ERC2: variants seen among roughly 807,000 people sequenced by gnomAD.
ERC2 encodes the protein ERC protein 2.
Under a neutral mutation model 114.8 loss-of-function variants are expected in ERC2, and 42 were observed. That is an observed-to-expected ratio of 0.37 (90% CI 0.29 to 0.47). The LOEUF is 0.47. ERC2 is among the 20% of genes least tolerant of loss of function. ERC2 has a pLI of 0.99. For missense variants in ERC2, 939 were observed against 1,150.7 expected (o/e 0.82, Z 2.66); for synonymous variants, 454 against 425.5 (o/e 1.07, Z -0.82).
rs566436616 is a variant in ERC2, at chr3:56,174,224, G to T, written c.1075-704C>A. ...TGATGAACATTTCTTTAGGTAAAAA[G>T]CAAACAACATAATTACAACTTTTAT... On this transcript the variant is annotated intron_variant, in intron 3 of 17. Transcript: ENST00000288221. Among the ~76,000 whole-genome samples the T allele has an allele frequency of 5.0e-3, 761 of 152,284 alleles. 1 individual carries two copies. The highest frequency in any genetic ancestry group is 6.3e-3 in the Non-Finnish European group (431 of 68,000).
At chr3:55,664,565 G>C (rs1264075377) in intron 17 of ERC2, among the ~76,000 whole-genome samples, 2 of 152,158 alleles carry the variant, frequency 1.3e-5, no homozygotes, top group Non-Finnish European at 2.9e-5. Flanking sequence ...TGGGGAGGAG[G>C]GGCTGGGTTA....
chr3:56,156,022 T>C (rs1417342935), intron 4 of ERC2, among the ~76,000 whole-genome samples: 2 of 152,016 alleles, frequency 1.3e-5, no homozygotes, highest in Non-Finnish European at 2.9e-5. Context: ...TACTGGTAAA[T>C]AAGAAGGCAA....
At chr3:55,537,944 C>T (rs978692791) in intron 17 of ERC2, among the ~76,000 whole-genome samples, 22 of 152,140 alleles carry the variant, frequency 1.4e-4, no homozygotes, top group African/African-American at 4.1e-4. Context: ...CAATTGCGGA[C>T]GAGCCCACCA....
At chr3:55,713,119 T>G (rs1279670603) in intron 15 of ERC2, among the ~76,000 whole-genome samples, 2 of 112,584 alleles carry the variant, frequency 1.8e-5, no homozygotes, top group Non-Finnish European at 3.5e-5. Flanking sequence ...TCTCTCTCTC[T>G]CTCTCTCTGT....
At chr3:55,867,374 A>G (rs1327875675) in intron 14 of ERC2, among the ~76,000 whole-genome samples, 1 of 152,162 alleles carries the variant, frequency 6.6e-6, no homozygotes, top group Non-Finnish European at 1.5e-5. Flanking sequence ...TTTAGGGTTT[A>G]ACTCAAATAG....
At chr3:56,362,873 G>A (rs1280222117) in intron 2 of ERC2, among the ~76,000 whole-genome samples, 2 of 152,162 alleles carry the variant, frequency 1.3e-5, no homozygotes, top group Admixed American at 1.3e-4. Flanking sequence ...TTGCATTTCT[G>A]AGCCTGAGCT....
intron 14 of ERC2, among the ~76,000 whole-genome samples, chr3:55,863,066 T>C (rs906186481): frequency 2.6e-5 from 4 of 152,118 alleles, no homozygotes; most frequent in African/African-American, 9.7e-5. Context: ...CAGGATTCAC[T>C]TAAATTACCT....
At chr3:55,794,657 A>G (rs935874468) in intron 14 of ERC2, among the ~76,000 whole-genome samples, 3 of 152,172 alleles carry the variant, frequency 2.0e-5, no homozygotes, top group African/African-American at 7.2e-5. Context: ...CTTTGGGGAT[A>G]ACTACTTCTA....
At chr3:56,014,587 A>G (rs2073180170) in intron 8 of ERC2, among the ~76,000 whole-genome samples, 1 of 151,532 alleles carries the variant, frequency 6.6e-6, no homozygotes, top group Non-Finnish European at 1.5e-5. Flanking sequence ...CTTCCCAGAC[A>G]CCCCCTCAGC....
chr3:56,097,255 AAAG>A (rs1401426442), intron 6 of ERC2, among the ~76,000 whole-genome samples: 1 of 152,216 alleles, frequency 6.6e-6, no homozygotes, highest in African/African-American at 2.4e-5. Context: ...CTCCATGAGT[AAAG>A]AAGACAATCA....
chr3:56,206,180 A>AAC (rs3052731), intron 3 of ERC2, among the ~76,000 whole-genome samples: 71 of 148,860 alleles, frequency 4.8e-4, no homozygotes, highest in African/African-American at 1.5e-3. Context: ...CAGCCAGAAA[A>AAC]ACACACACAC....
intron 16 of ERC2, among the ~76,000 whole-genome samples, chr3:55,690,875 C>G (rs1255765917): frequency 6.6e-6 from 1 of 152,248 alleles, no homozygotes; most frequent in Non-Finnish European, 1.5e-5. Context: ...TGACAATAAC[C>G]TGCTCATCTG....
rs536042851 is a variant in ERC2, at chr3:55,943,072, C to T, written c.2403+7353G>A. ...TGCCCCCCTGACTAACCTCTGGTAG[C>T]GATAACTCAGGGTAAACCTGAGGTA... On this transcript the variant is annotated intron_variant, in intron 13 of 17. Transcript: ENST00000288221. 9.2e-5 allele frequency among the ~76,000 whole-genome samples: 14 copies of T among 152,214 alleles called. No individual in the cohort carries two copies. In the South Asian group the frequency reaches 1.5e-3, roughly 16 times the overall value.
chr3:56,274,874 A>G (rs1012522475), intron 3 of ERC2, among the ~76,000 whole-genome samples: 1 of 152,242 alleles, frequency 6.6e-6, no homozygotes, highest in African/African-American at 2.4e-5. Context: ...TTTATTCCCA[A>G]GGCAAAAATA....
intron 6 of ERC2, among the ~76,000 whole-genome samples, chr3:56,088,863 A>C (rs1459317661): frequency 1.3e-5 from 2 of 152,082 alleles, no homozygotes; most frequent in Admixed American, 6.6e-5. Context: ...ACCCTCAATA[A>C]ATTTTTGCTA....
chr3:55,708,301 G>A (rs1212938458), intron 15 of ERC2, among the ~76,000 whole-genome samples: 1 of 152,164 alleles, frequency 6.6e-6, no homozygotes, highest in African/African-American at 2.4e-5. Flanking sequence ...AGCAACTCCA[G>A]ACAACCAAGG....
chr3:56,390,564 T>C (rs1275709418), intron 2 of ERC2, among the ~76,000 whole-genome samples: 2 of 152,206 alleles, frequency 1.3e-5, no homozygotes, highest in Non-Finnish European at 2.9e-5. Context: ...CGATTAGTGA[T>C]GTCTGCCATC....
intron 3 of ERC2, among the ~76,000 whole-genome samples, chr3:56,266,229 C>T (rs551244499): frequency 2.7e-5 from 4 of 146,244 alleles, no homozygotes; most frequent in African/African-American, 1.0e-4. Context: ...CTCCCAAGTT[C>T]ATGCCATTCT....
intron 15 of ERC2, among the ~76,000 whole-genome samples, chr3:55,720,474 G>A (rs558160396): frequency 6.6e-6 from 1 of 151,244 alleles, no homozygotes; most frequent in East Asian, 2.0e-4. Flanking sequence ...TTGTGGAAAT[G>A]AGGTCTCACT....
Sources: gnomAD v4.1 joint callset for allele counts (sites outside exome capture counted in the v4.1 genomes callset) on GRCh38, gnomAD v4.1.1 for gene constraint, MANE v1.5 for transcripts, NCBI Gene and HGNC (gene_info 2026-07-23, HGNC 2026-07-21) for gene names.